Variants in PDZD2 observed in about 807,000 individuals in gnomAD.
The protein encoded by PDZD2 is PDZ domain-containing protein 2.
A neutral mutation model predicts 220.7 loss-of-function variants in PDZD2; 90 were observed. The ratio of observed to expected loss-of-function variants is 0.41; its 90% CI spans 0.34 to 0.49. PDZD2 has a LOEUF of 0.49. Ranked by LOEUF, PDZD2 falls within the 20% of genes least tolerant of loss-of-function variation. The pLI, the probability that PDZD2 is intolerant of heterozygous loss-of-function variation, is 0.28. For synonymous variants in PDZD2, 1,375 were observed against 1,450.5 expected (o/e 0.95, Z 1.18); for missense variants, 3,174 against 3,608.5 (o/e 0.88, Z 3.08).
At chr5:31,666,164 C>T (rs1190495354) in intron 1 of PDZD2, among the ~76,000 whole-genome samples, 1 of 152,154 alleles carries the variant, frequency 6.6e-6, no homozygotes, top group Non-Finnish European at 1.5e-5. Flanking sequence ...GAGATCGAGG[C>T]AGGGCCCTTC....
intron 1 of PDZD2, among the ~76,000 whole-genome samples, chr5:31,739,839 C>A (rs1750142313): frequency 6.6e-6 from 1 of 152,172 alleles, no homozygotes; most frequent in Admixed American, 6.5e-5. Context: ...GAAACTCTCA[C>A]AAAATTGCCC....
chr5:32,090,576 C>G lies in PDZD2; in HGVS notation c.7128C>G (p.Ser2376Arg). 1 of 1,614,024 alleles carries G rather than the reference C, an allele frequency of 6.2e-7. No homozygotes were observed. The highest frequency in any genetic ancestry group is 1.1e-5 in the South Asian group (1 of 91,068). Residue 2376 changes from serine to arginine, a missense_variant, in exon 20 of 25, where the codon AGC becomes AGG. Physicochemically the swap from Ser to Arg is moderately radical, Grantham distance 110. Coordinates refer to ENST00000438447, the MANE Select transcript of PDZD2 (RefSeq NM_178140.4). The surrounding 1 kb of genome is among the most constrained non-coding windows in gnomAD (Gnocchi z 4.3). ...CCATTGGGAGGCGGTCTTCCGGCAG[C>G]ATTGTTTCCGGGAGCCTGGGCCACC... is the stretch of plus-strand genomic sequence containing the variant. ...KPPIGRRSSG[S>R]IVSGSLGHPG... is the part of the protein sequence containing the mutation.
At chr5:31,808,788 C>G (rs1754897893) in intron 2 of PDZD2, among the ~76,000 whole-genome samples, 1 of 151,940 alleles carries the variant, frequency 6.6e-6, no homozygotes, top group Admixed American at 6.6e-5. Flanking sequence ...ACCAGCCTGG[C>G]CAACATAGTG....
chr5:31,660,370 G>T (rs1445695920), intron 1 of PDZD2, among the ~76,000 whole-genome samples: 1 of 151,962 alleles, frequency 6.6e-6, no homozygotes, highest in Middle Eastern at 3.4e-3. Flanking sequence ...TTAGAGATGG[G>T]GTCTGTGTTA....
chr5:32,103,947 A>C (rs971539238), intron 24 of PDZD2: 2 of 152,292 alleles, frequency 1.3e-5, no homozygotes, highest in African/African-American at 4.8e-5. Context: ...AAATCTGTGA[A>C]AACTGCTATG....
rs200103549 is a variant in PDZD2 at position 31,959,574 on chromosome 5, T to C, written c.477-23581T>C. On this transcript the variant is annotated intron_variant, in intron 2 of 24. Coordinates refer to ENST00000438447, the MANE Select transcript of PDZD2 (RefSeq NM_178140.4). ...AGGTTTCACCATGTTGGCCACGAAC[T>C]CCTGACCTCAGGAGATCTTCCCACC... Among the ~76,000 whole-genome samples the C allele has an allele frequency of 8.6e-5, 13 of 151,148 alleles. No individual in the cohort carries two copies. In the East Asian group the frequency reaches 2.6e-3, roughly 30 times the overall value.
At chr5:31,955,349 G>T (rs1423431327) in intron 2 of PDZD2, among the ~76,000 whole-genome samples, 1 of 151,880 alleles carries the variant, frequency 6.6e-6, no homozygotes, top group African/African-American at 2.4e-5. Context: ...CTCCCAGGCT[G>T]CAGTGCAGTG....
At chr5:31,791,918 C>T (rs1000640461) in intron 1 of PDZD2, among the ~76,000 whole-genome samples, 6 of 152,156 alleles carry the variant, frequency 3.9e-5, no homozygotes, top group African/African-American at 1.4e-4. Context: ...ATTGGTTGGA[C>T]TGGTAAAAAT....
chr5:31,914,473 A>G (rs774210157), intron 2 of PDZD2, among the ~76,000 whole-genome samples: 3 of 152,206 alleles, frequency 2.0e-5, no homozygotes, highest in Non-Finnish European at 4.4e-5. Flanking sequence ...GGTTGCAGTG[A>G]GCCGAGATTG....
intron 3 of PDZD2, among the ~76,000 whole-genome samples, chr5:31,994,184 A>AT (rs201897669): frequency 0.018 from 2,768 of 151,216 alleles, 90 homozygotes; most frequent in African/African-American, 0.063. Flanking sequence ...CGCCTGGCTA[A>AT]TTTTTTTATA....
At chr5:32,081,794 T>C (rs1256469557) in intron 19 of PDZD2, among the ~76,000 whole-genome samples, 5 of 152,192 alleles carry the variant, frequency 3.3e-5, no homozygotes, top group Non-Finnish European at 7.3e-5. Context: ...TGATCTTGGC[T>C]CACTGTACGC....
intron 2 of PDZD2, among the ~76,000 whole-genome samples, chr5:31,883,274 G>A (rs1383046073): frequency 1.5e-5 from 2 of 135,230 alleles, no homozygotes; most frequent in East Asian, 2.2e-4. Context: ...AGGCTGGAGT[G>A]CAGTGGCACA....
chr5:31,840,425 TATATATATATATATATA>T lies in PDZD2; in HGVS notation c.476+40702_476+40718del, dbSNP rs1561499119. On this transcript the variant is annotated intron_variant, in intron 2 of 24. Transcript: ENST00000438447. The stretch of plus-strand genomic sequence containing the variant: ...ATATATATATATATATATATATATA[TATATATATATATATATA>T]TATATATTTGTTTATAGTCCAGAGG... 2.0e-3 allele frequency: 248 copies of T among 122,424 alleles called. 10 individuals are homozygous for T. The highest frequency in any genetic ancestry group is 7.6e-3 in the African/African-American group (237 of 31,138). 7.6% of individuals were successfully genotyped at this position (122,424 alleles called of 1,614,324 possible).
chr5:31,686,990 T>C (rs1746898928), intron 1 of PDZD2, among the ~76,000 whole-genome samples: 1 of 152,160 alleles, frequency 6.6e-6, no homozygotes, highest in African/African-American at 2.4e-5. Flanking sequence ...GAGTTGGTGC[T>C]GTGAGCCTAA....
intron 2 of PDZD2, among the ~76,000 whole-genome samples, chr5:31,939,585 G>C (rs1172610505): frequency 6.6e-6 from 1 of 152,130 alleles, no homozygotes; most frequent in African/African-American, 2.4e-5. Flanking sequence ...AAAACTACCT[G>C]GTACCACATG....
At chr5:31,914,254 G>A (rs1171055898) in intron 2 of PDZD2, among the ~76,000 whole-genome samples, 2 of 152,192 alleles carry the variant, frequency 1.3e-5, no homozygotes, top group African/African-American at 4.8e-5. Flanking sequence ...GATCCTGGCC[G>A]GGCGCGGTGG....
Position 32,091,035 on chromosome 5 carries a change from T to A in PDZD2, c.7587T>A (p.Val2529=). The A allele has an allele frequency of 6.2e-7, 1 of 1,613,822 alleles. No homozygotes were observed. The highest frequency in any genetic ancestry group is 8.5e-7 in the Non-Finnish European group (1 of 1,179,878). The change falls in exon 20 of 25, where the codon GTT becomes GTA. Residue 2529 remains valine (V), a synonymous_variant. Coordinates refer to ENST00000438447, the MANE Select transcript of PDZD2 (RefSeq NM_178140.4). The part of the protein sequence containing the change: ...RRSPGPPAGG[V]SCPEKGGNRA... ...CACCTGGCCCTCCTGCTGGAGGCGTTTCGTGTCCCGAGAAGGGCGGGAACA... is the reference window on the plus strand; with the variant it reads ...CACCTGGCCCTCCTGCTGGAGGCGTATCGTGTCCCGAGAAGGGCGGGAACA...
intron 2 of PDZD2, among the ~76,000 whole-genome samples, chr5:31,914,597 G>A (rs2150372244): frequency 6.6e-6 from 1 of 152,338 alleles, no homozygotes; most frequent in African/African-American, 2.4e-5. Flanking sequence ...TTTAGGAGTA[G>A]ATAGAACATG....
chr5:31,719,288 CT>C (rs1429283041), intron 1 of PDZD2, among the ~76,000 whole-genome samples: 3 of 152,066 alleles, frequency 2.0e-5, no homozygotes, highest in Admixed American at 2.0e-4. Context: ...AAATAGGATG[CT>C]GTGTGAAGTG....
Sources: allele counts gnomAD v4.1 joint callset (sites outside exome capture counted in the v4.1 genomes callset), GRCh38; gene constraint gnomAD v4.1.1; non-coding constraint Gnocchi (gnomAD v3.1); transcripts MANE v1.5; gene names NCBI Gene and HGNC (gene_info 2026-07-23, HGNC 2026-07-21).